Variants in LRRC72 observed in about 807,000 individuals in gnomAD.
LRRC72 encodes the protein leucine rich repeat containing 72.
Under a neutral mutation model 35.8 loss-of-function variants are expected in LRRC72, and 41 were observed. The observed-to-expected ratio is 1.15, with a 90% CI of 0.89 to 1.49. The LOEUF is 1.49. Among genes scored for constraint, LRRC72 ranks in the 40% most tolerant of loss-of-function variants. LRRC72 has a pLI of 0.00. For synonymous variants in LRRC72, 118 were observed against 119.2 expected, an observed-to-expected ratio of 0.99 and a Z score of 0.07; for missense variants, 389 against 330.7, an observed-to-expected ratio of 1.18 and a Z score of -1.37.
At chr7:16,569,943 T>C (rs565561316) in intron 7 of LRRC72, among the ~76,000 whole-genome samples, 12 of 151,504 alleles carry the variant, frequency 7.9e-5, no homozygotes, top group African/African-American at 2.9e-4. Flanking sequence ...GGCAGGAGAA[T>C]CGCTTGCACC....
intron 1 of LRRC72, among the ~76,000 whole-genome samples, chr7:16,529,491 C>G (rs1258887008): frequency 6.6e-6 from 1 of 152,116 alleles, no homozygotes; most frequent in African/African-American, 2.4e-5. Flanking sequence ...GGACCACGAA[C>G]TGTGCCCCTA....
chr7:16,536,730 C>T (rs910600253), intron 2 of LRRC72, among the ~76,000 whole-genome samples: 1 of 151,988 alleles, frequency 6.6e-6, no homozygotes, highest in Admixed American at 6.6e-5. Flanking sequence ...AAATATTAGT[C>T]CTTCAGTGTC....
intron 3 of LRRC72, among the ~76,000 whole-genome samples, chr7:16,538,671 T>G (rs1782305389): frequency 6.6e-6 from 1 of 152,230 alleles, no homozygotes; most frequent in African/African-American, 2.4e-5. Flanking sequence ...AATTGTAATT[T>G]CCACATGTTG....
At chr7:16,565,422 ACT>A (rs1370766439) in intron 5 of LRRC72, among the ~76,000 whole-genome samples, 3 of 139,884 alleles carry the variant, frequency 2.1e-5, no homozygotes, top group Non-Finnish European at 4.5e-5. Flanking sequence ...CAAGAACAAG[ACT>A]CTGTCAAAAA....
chr7:16,531,891 G>C (rs1460483915), intron 1 of LRRC72, among the ~76,000 whole-genome samples: 2 of 152,206 alleles, frequency 1.3e-5, no homozygotes. Flanking sequence ...CACAGCATGA[G>C]TATGTTAGCA....
intron 1 of LRRC72, among the ~76,000 whole-genome samples, chr7:16,529,341 T>G (rs1237678315): frequency 6.6e-6 from 1 of 152,190 alleles, no homozygotes; most frequent in Non-Finnish European, 1.5e-5. Context: ...CCAGCCTGAC[T>G]GTCGGTTGTG....
intron 7 of LRRC72, among the ~76,000 whole-genome samples, chr7:16,568,605 C>T (rs1583651412): frequency 6.6e-6 from 1 of 152,038 alleles, no homozygotes; most frequent in South Asian, 2.1e-4. Flanking sequence ...TGGAAATTTT[C>T]CCAAACTGAT....
At chr7:16,554,202 C>T (rs1487839662) in intron 3 of LRRC72, among the ~76,000 whole-genome samples, 5 of 152,132 alleles carry the variant, frequency 3.3e-5, no homozygotes, top group Admixed American at 6.5e-5. Context: ...CGGTGGCACA[C>T]GCCTGTAATC....
intron 7 of LRRC72, among the ~76,000 whole-genome samples, chr7:16,574,785 C>T (rs1323236107): frequency 1.3e-5 from 2 of 151,658 alleles, no homozygotes; most frequent in East Asian, 3.9e-4. Flanking sequence ...TATCCTAAAA[C>T]TTAAAGTATA....
At chr7:16,543,383 A>C (rs1349097650) in intron 3 of LRRC72, among the ~76,000 whole-genome samples, 1 of 152,242 alleles carries the variant, frequency 6.6e-6, no homozygotes, top group Admixed American at 6.5e-5. Flanking sequence ...TTTAGGAATA[A>C]ATAAGGCAAA....
At chr7:16,555,172 A>G (rs1782629183) in intron 3 of LRRC72, among the ~76,000 whole-genome samples, 1 of 152,176 alleles carries the variant, frequency 6.6e-6, no homozygotes, top group African/African-American at 2.4e-5. Context: ...TGAAATTACT[A>G]ATGGTCTTCC....
intron 1 of LRRC72, among the ~76,000 whole-genome samples, chr7:16,527,245 G>C (rs1465394760): frequency 1.3e-5 from 2 of 152,174 alleles, no homozygotes; most frequent in African/African-American, 2.4e-5. Context: ...GATGTGAACA[G>C]CTACGAGCGG....
intron 3 of LRRC72, among the ~76,000 whole-genome samples, chr7:16,549,525 G>A (rs992055112): frequency 7.2e-5 from 11 of 152,084 alleles, no homozygotes; most frequent in African/African-American, 1.9e-4. Flanking sequence ...GGACACATCC[G>A]CTGTCACCAC....
chr7:16,533,292 C>A (rs1397064051), intron 2 of LRRC72, among the ~76,000 whole-genome samples: 3 of 152,090 alleles, frequency 2.0e-5, no homozygotes, highest in African/African-American at 7.2e-5. Context: ...TCCACTCGAA[C>A]TCCCCAAGGT....
chr7:16,551,959 C>T (rs1045523911), intron 3 of LRRC72, among the ~76,000 whole-genome samples: 5 of 152,010 alleles, frequency 3.3e-5, no homozygotes, highest in Admixed American at 2.0e-4. Flanking sequence ...GACTGAGCCC[C>T]GAACCTGTGA....
chr7:16,557,514 A>G lies in LRRC72; in HGVS notation c.316+73A>G, dbSNP rs548069534. On this transcript the variant is annotated intron_variant, in intron 4 of 8. Transcript: ENST00000401542. The stretch of plus-strand genomic sequence containing the variant: ...TAACTTTCAACTATGGTAATTGCTA[A>G]TGACAGACAAAAATCTGTTTTAACA... 502 of 446,656 alleles carry G rather than the reference A, an allele frequency of 1.1e-3. 4 individuals carry two copies. The highest frequency in any genetic ancestry group is 9.0e-3 in the African/African-American group (443 of 49,024). 27.7% of individuals were successfully genotyped at this position (446,656 alleles called of 1,614,324 possible). A position where few individuals can be genotyped will look rare whatever the true frequency, so the allele number is the denominator to read the frequency against.
At chr7:16,573,065 G>A (rs540068182) in intron 7 of LRRC72, among the ~76,000 whole-genome samples, 4 of 152,122 alleles carry the variant, frequency 2.6e-5, no homozygotes, top group African/African-American at 9.6e-5. Flanking sequence ...GCTACAAAGA[G>A]AATAAAATAC....
In LRRC72 at chr7:16,581,491, C is replaced by G. The variant is rs897522771; in HGVS notation, c.*2C>G. On this transcript the variant is annotated 3_prime_UTR_variant, in exon 9 of 9. Transcript: ENST00000401542. Reference sequence around the variant, plus strand: ...ATGCTCACAGTTACACTGAGATAAGCCCTGGTATTTCTAGATATCTTAGTG... The same window carrying G: ...ATGCTCACAGTTACACTGAGATAAGGCCTGGTATTTCTAGATATCTTAGTG... The G allele has an allele frequency of 6.5e-7, 1 of 1,536,986 alleles. No homozygotes were observed. Among genetic ancestry groups the G allele is most frequent in the Admixed American group, 2.0e-5 (1 of 48,926 alleles).
intron 3 of LRRC72, among the ~76,000 whole-genome samples, chr7:16,553,928 T>A (rs968921755): frequency 6.6e-6 from 1 of 152,202 alleles, no homozygotes; most frequent in African/African-American, 2.4e-5. Flanking sequence ...CTTGTTATGC[T>A]CCAAGCCTAA....
Sources: gnomAD v4.1 joint callset for allele counts (sites outside exome capture counted in the v4.1 genomes callset) on GRCh38, gnomAD v4.1.1 for gene constraint, MANE v1.5 for transcripts, NCBI Gene and HGNC (gene_info 2026-07-23, HGNC 2026-07-21) for gene names.